The following STX8 variants were observed in gnomAD, a reference collection of about 807,000 sequenced individuals.
STX8 encodes the protein syntaxin-8.
STX8 carries 23 observed loss-of-function variants against 37.5 expected under a neutral mutation model. That is an observed-to-expected ratio of 0.61 (90% CI 0.44 to 0.87). The LOEUF (loss-of-function observed/expected upper bound fraction) is 0.87, where lower values mean the gene tolerates loss of function less well. STX8 is among the 40% of genes least tolerant of loss of function. The pLI, the probability that STX8 is intolerant of heterozygous loss-of-function variation, is 0.00. For missense variants in STX8, 313 were observed against 284.7 expected (o/e 1.10, Z -0.71); for synonymous variants, 115 against 99.1 (o/e 1.16, Z -0.95).
intron 6 of STX8, among the ~76,000 whole-genome samples, chr17:9,417,939 C>T (rs1913258743): frequency 6.6e-6 from 1 of 152,204 alleles, no homozygotes; most frequent in Admixed American, 6.5e-5. Context: ...CTAAGTGCCT[C>T]TTCATCAGGC....
intron 7 of STX8, among the ~76,000 whole-genome samples, chr17:9,303,325 T>TTC (rs1252479958): frequency 6.6e-6 from 1 of 152,072 alleles, no homozygotes; most frequent in African/African-American, 2.4e-5. Context: ...AAGAAGAGAC[T>TTC]TCTCCCTCCA....
chr17:9,330,399 G>T (rs1909921672), intron 7 of STX8, among the ~76,000 whole-genome samples: 1 of 152,118 alleles, frequency 6.6e-6, no homozygotes, highest in African/African-American at 2.4e-5. Context: ...GTGAGGTTGT[G>T]CCTGGAGCCA....
At chr17:9,481,782 G>T (rs1329279210) in intron 6 of STX8, among the ~76,000 whole-genome samples, 3 of 152,166 alleles carry the variant, frequency 2.0e-5, no homozygotes, top group African/African-American at 7.2e-5. Flanking sequence ...CAGATCAGCA[G>T]TGGCATTAGA....
chr17:9,542,459 C>G (rs905014172), intron 4 of STX8, among the ~76,000 whole-genome samples: 18 of 152,088 alleles, frequency 1.2e-4, no homozygotes, highest in Admixed American at 5.2e-4. Context: ...AGGCAGATCA[C>G]GAGGTCAGGA....
intron 4 of STX8, among the ~76,000 whole-genome samples, chr17:9,521,176 G>A (rs1905325754): frequency 6.6e-6 from 1 of 152,210 alleles, no homozygotes; most frequent in South Asian, 2.1e-4. Context: ...ACGCAGACTG[G>A]ATTACACGGA....
intron 6 of STX8, among the ~76,000 whole-genome samples, chr17:9,421,943 T>C (rs1341828245): frequency 6.6e-6 from 1 of 152,030 alleles, no homozygotes; most frequent in Non-Finnish European, 1.5e-5. Flanking sequence ...TGTTCTCTCT[T>C]CCTCCTGCTC....
At chr17:9,411,719 G>A (rs987792619) in intron 6 of STX8, among the ~76,000 whole-genome samples, 1 of 152,220 alleles carries the variant, frequency 6.6e-6, no homozygotes, top group Non-Finnish European at 1.5e-5. Flanking sequence ...CGTAATTCAA[G>A]CCAATAATCT....
chr17:9,287,267 G>A lies in STX8; in HGVS notation c.644-36622C>T, dbSNP rs1486825713. Among the ~76,000 whole-genome samples, 4 of 152,130 alleles carry A rather than the reference G, an allele frequency of 2.6e-5. No homozygotes were observed. The East Asian group carries it at 5.8e-4, about 22-fold the overall frequency. On this transcript the variant is annotated intron_variant, in intron 7 of 7. Coordinates refer to ENST00000306357, the MANE Select transcript of STX8 (RefSeq NM_004853.3). ...GGCTCCATCAGGTTCTCCTGCAGGT[G>A]AGGCTAAAAACAGGGGGACTAGTTA...
chr17:9,567,851 A>G (rs1165573457), intron 2 of STX8, among the ~76,000 whole-genome samples: 1 of 151,852 alleles, frequency 6.6e-6, no homozygotes, highest in Non-Finnish European at 1.5e-5. Context: ...ACGCCTGGCT[A>G]GGTTTTATAT....
intron 7 of STX8, among the ~76,000 whole-genome samples, chr17:9,323,059 G>T (rs977288654): frequency 6.6e-6 from 1 of 151,984 alleles, no homozygotes; most frequent in Non-Finnish European, 1.5e-5. Context: ...AAAATAGGGG[G>T]TCTTTTCATC....
At chr17:9,374,373 T>G (rs896343650) in intron 7 of STX8, among the ~76,000 whole-genome samples, 4 of 152,158 alleles carry the variant, frequency 2.6e-5, no homozygotes, top group African/African-American at 7.2e-5. Flanking sequence ...TGAGCCACCA[T>G]GCCCAGCCAA....
intron 6 of STX8, among the ~76,000 whole-genome samples, chr17:9,475,195 G>A (rs1906048698): frequency 6.6e-6 from 1 of 152,148 alleles, no homozygotes; most frequent in South Asian, 2.1e-4. Flanking sequence ...AATCCATGGT[G>A]GCACTGAAGA....
chr17:9,390,720 C>T (rs1912186202), intron 6 of STX8, among the ~76,000 whole-genome samples: 1 of 150,228 alleles, frequency 6.7e-6, no homozygotes, highest in African/African-American at 2.5e-5. Context: ...ACCTGTAGTC[C>T]CAGCTACTCG....
chr17:9,353,020 T>C (rs569322688), intron 7 of STX8, among the ~76,000 whole-genome samples: 1 of 152,204 alleles, frequency 6.6e-6, no homozygotes, highest in Admixed American at 6.5e-5. Flanking sequence ...GCCTCCCTGG[T>C]AGCTGGGACT....
intron 6 of STX8, among the ~76,000 whole-genome samples, chr17:9,402,413 A>G (rs1912656773): frequency 6.6e-6 from 1 of 152,032 alleles, no homozygotes; most frequent in South Asian, 2.1e-4. Context: ...GAGTCACCGC[A>G]CCCAGCCTTT....
In STX8 at chr17:9,378,568, T is replaced by C. The variant is rs1293274356; in HGVS notation, c.627A>G (p.Arg209=). The change falls in exon 7 of 8, where the codon AGA becomes AGG. Residue 209 remains arginine, a synonymous_variant. Coordinates refer to ENST00000306357, the MANE Select transcript of STX8 (RefSeq NM_004853.3). ...ATCTCTTACCACAAGAGGCTGACTT[T>C]CTGTCCACCATGTTTACCCGCCTGG... ...NETRRVNMVD[R]KSASCGMIMV... 6.2e-7 allele frequency: 1 copy of C among 1,613,780 alleles called. No homozygotes were observed. The highest frequency in any genetic ancestry group is 8.5e-7 in the Non-Finnish European group (1 of 1,179,738).
intron 6 of STX8, among the ~76,000 whole-genome samples, chr17:9,450,351 C>A (rs771876229): frequency 6.6e-6 from 1 of 151,970 alleles, no homozygotes; most frequent in East Asian, 1.9e-4. Flanking sequence ...GCTGGGATTA[C>A]AGGTGTGAGC....
At chr17:9,334,626 TA>T (rs1227430312) in intron 7 of STX8, among the ~76,000 whole-genome samples, 3 of 152,076 alleles carry the variant, frequency 2.0e-5, no homozygotes, top group Non-Finnish European at 4.4e-5. Context: ...TTGAAAGGAA[TA>T]AAAAAGACAA....
chr17:9,327,288 A>AGGAGGAG (rs1909799847), intron 7 of STX8, among the ~76,000 whole-genome samples: 1 of 147,814 alleles, frequency 6.8e-6, no homozygotes, highest in African/African-American at 2.6e-5. Context: ...GAAGGAAGAA[A>AGGAGGAG]GAAGAAGAAG....
Sources: gnomAD v4.1 joint callset for allele counts (sites outside exome capture counted in the v4.1 genomes callset) on GRCh38, gnomAD v4.1.1 for gene constraint, MANE v1.5 for transcripts, NCBI Gene and HGNC (gene_info 2026-07-23, HGNC 2026-07-21) for gene names.